The following TOX2 variants were observed in gnomAD, a reference collection of about 807,000 sequenced individuals.
TOX2 encodes TOX high mobility group box family member 2.
Under a neutral mutation model 47.4 loss-of-function variants are expected in TOX2, and 15 were observed. The observed-to-expected ratio is 0.32, with a 90% confidence interval of 0.21 to 0.49. The LOEUF (loss-of-function observed/expected upper bound fraction) is 0.49. Ranked by LOEUF, TOX2 falls within the 20% of genes least tolerant of loss-of-function variation. The pLI is 0.99. For synonymous variants in TOX2, 290 were observed against 296.6 expected (o/e 0.98, Z 0.23); for missense variants, 622 against 673.1 (o/e 0.92, Z 0.84).
chr20:43,939,600 T>A (rs1454590859), intron 1 of TOX2, among the ~76,000 whole-genome samples: 1 of 152,192 alleles, frequency 6.6e-6, no homozygotes, highest in Non-Finnish European at 1.5e-5. Context: ...CAAATGAATA[T>A]GTGCGGTGAG....
At chr20:43,996,704 C>T (rs1284998919) in intron 2 of TOX2, among the ~76,000 whole-genome samples, 1 of 151,898 alleles carries the variant, frequency 6.6e-6, no homozygotes, top group Non-Finnish European at 1.5e-5. Context: ...TGTGTTTTCC[C>T]ATCTGTTTCC....
rs911941702 is a variant in TOX2 at position 44,064,866 on chromosome 20, C to T, written c.960+9C>T. 4.3e-6 allele frequency: 7 copies of T among 1,613,366 alleles called. No individual in the cohort carries two copies. Among genetic ancestry groups the T allele is most frequent in the African/African-American group, 1.3e-5 (1 of 75,030 alleles). On this transcript the variant is annotated intron_variant, in intron 6 of 8. Coordinates refer to ENST00000341197, the MANE Select transcript of TOX2 (RefSeq NM_001098797.2). ...CTAGCCTCGTCTCCAAGGTAACACC[C>T]GGAATCTCCAGGCACAGCCCTGATC...
At position 44,006,560 on chromosome 20, in the gene TOX2, A is replaced by G. The variant is rs779798967; in HGVS notation, c.179A>G (p.Gln60Arg). ...LLSTSQTYNG[Q>R]SENNEDYEIP... ...TTGATGTTTTAGACCTACAACGGCC[A>G]GAGCGAGAACAACGAAGACTATGAG... Residue 60 changes from glutamine to arginine, a missense_variant, in exon 3 of 9, where the codon CAG (glutamine) becomes CGG (arginine). Physicochemically the swap from Gln to Arg is conservative, Grantham distance 43 (BLOSUM62 1). Around this residue, in one of 3 missense-constraint regions of TOX2, gnomAD observed 307 missense variants for 327.3 expected, o/e 0.94. Transcript: ENST00000341197. 3 of 1,613,326 alleles carry G rather than the reference A, an allele frequency of 1.9e-6. No individual in the cohort carries two copies. Among genetic ancestry groups the G allele is most frequent in the South Asian group, 1.1e-5 (1 of 91,052 alleles).
intron 1 of TOX2, among the ~76,000 whole-genome samples, chr20:43,961,882 C>T (rs998548632): frequency 6.6e-5 from 10 of 152,122 alleles, no homozygotes; most frequent in Non-Finnish European, 1.3e-4. Context: ...AGGTCCTGGC[C>T]CTGCCCCTTG....
At chr20:43,963,951 A>C (rs1476737627) in intron 1 of TOX2, among the ~76,000 whole-genome samples, 1 of 152,188 alleles carries the variant, frequency 6.6e-6, no homozygotes, top group African/African-American at 2.4e-5. Context: ...AGGAGGATTC[A>C]ATAATAAAAT....
chr20:44,061,973 C>T (rs2071725446), intron 5 of TOX2, among the ~76,000 whole-genome samples: 1 of 139,564 alleles, frequency 7.2e-6, no homozygotes, highest in Admixed American at 7.0e-5. Flanking sequence ...AAGGGACATA[C>T]CTTAAGGTAA....
chr20:44,044,422 TAAA>T (rs3037502), intron 3 of TOX2, among the ~76,000 whole-genome samples: 1 of 143,436 alleles, frequency 7.0e-6, no homozygotes, highest in Non-Finnish European at 1.5e-5. Flanking sequence ...ACTTAAAGCA[TAAA>T]AAAAAAAAAA....
chr20:43,955,836 TCCCGTTTC>T (rs563441338), intron 1 of TOX2, among the ~76,000 whole-genome samples: 56 of 152,302 alleles, frequency 3.7e-4, no homozygotes, highest in Non-Finnish European at 6.3e-4. Context: ...CTGCTCAGAC[TCCCGTTTC>T]CCCATCTTAG....
chr20:44,052,507 TG>T (rs879803554), intron 4 of TOX2, among the ~76,000 whole-genome samples: 32 of 152,260 alleles, frequency 2.1e-4, no homozygotes, highest in Non-Finnish European at 4.3e-4. Flanking sequence ...CCCTGGACTT[TG>T]GGGGAAGAGG....
intron 3 of TOX2, among the ~76,000 whole-genome samples, chr20:44,023,680 C>T (rs913345509): frequency 2.0e-5 from 3 of 152,204 alleles, no homozygotes; most frequent in South Asian, 4.1e-4. Context: ...GCCTGGGAGG[C>T]GCATGCTCAG....
intron 1 of TOX2, among the ~76,000 whole-genome samples, chr20:43,951,706 T>TTA (rs1569027021): frequency 5.3e-4 from 63 of 117,954 alleles, no homozygotes; most frequent in African/African-American, 2.0e-3. Flanking sequence ...AAACTTATTA[T>TTA]GTTTTTTTTT....
At chr20:43,980,387 G>A in intron 2 of TOX2, among the ~76,000 whole-genome samples, 1 of 152,142 alleles carries the variant, frequency 6.6e-6, no homozygotes, top group Non-Finnish European at 1.5e-5. Flanking sequence ...GGGTAGTGGG[G>A]CAGAGGGGGG....
chr20:44,011,830 C>T (rs1158629941), intron 3 of TOX2, among the ~76,000 whole-genome samples: 5 of 152,266 alleles, frequency 3.3e-5, no homozygotes, highest in Admixed American at 2.6e-4. Context: ...CAATTCTTTC[C>T]GGTCCCCTGC....
chr20:43,987,690 C>A (rs552589987), intron 2 of TOX2, among the ~76,000 whole-genome samples: 1 of 152,112 alleles, frequency 6.6e-6, no homozygotes, highest in Non-Finnish European at 1.5e-5. Flanking sequence ...CATGGATGGG[C>A]GAGCCTTTTA....
intron 1 of TOX2, chr20:43,945,799 G>T (rs972084773): frequency 1.7e-5 from 24 of 1,449,120 alleles, no homozygotes; most frequent in Non-Finnish European, 2.1e-5. Flanking sequence ...CACCTTATAC[G>T]AATGGGATGG....
chr20:43,919,088 T>C (rs2069086884), intron 1 of TOX2, among the ~76,000 whole-genome samples: 1 of 152,238 alleles, frequency 6.6e-6, no homozygotes, highest in African/African-American at 2.4e-5. Flanking sequence ...ACCTTCCCCA[T>C]GTGGTGCTTC....
chr20:43,988,789 G>A (rs1395162322), intron 2 of TOX2, among the ~76,000 whole-genome samples: 1 of 152,134 alleles, frequency 6.6e-6, no homozygotes, highest in Non-Finnish European at 1.5e-5. Context: ...ACAGGTGTAG[G>A]CACATACAGG....
intron 2 of TOX2, among the ~76,000 whole-genome samples, chr20:43,987,424 C>T (rs372278479): frequency 1.5e-4 from 23 of 152,238 alleles, no homozygotes; most frequent in African/African-American, 4.3e-4. Flanking sequence ...AAGGTTTTCT[C>T]CCTTCCTTTG....
chr20:44,016,073 G>T lies in TOX2; in HGVS notation c.411+9281G>T, dbSNP rs528812347. ...ATGTCCCAGTTTTCTTTGGAACCAG[G>T]GACACTGTCTCTTTTGAGAACCGTT... On this transcript the variant is annotated intron_variant, in intron 3 of 8. Coordinates refer to ENST00000341197, the MANE Select transcript of TOX2 (RefSeq NM_001098797.2). Among the ~76,000 whole-genome samples the T allele has an allele frequency of 1.1e-3, 169 of 151,950 alleles. 2 individuals carry two copies. The highest frequency in any genetic ancestry group is 2.8e-4 in the Non-Finnish European group (19 of 67,990).
Sources: allele counts gnomAD v4.1 joint callset (sites outside exome capture counted in the v4.1 genomes callset), GRCh38; gene constraint gnomAD v4.1.1; regional missense constraint gnomAD v4.1.1; transcripts MANE v1.5; gene names NCBI Gene and HGNC (gene_info 2026-07-23, HGNC 2026-07-21).